Variants in RBM20 observed in about 807,000 individuals in gnomAD.
RBM20 encodes RNA-binding protein 20.
Under a neutral mutation model 110.1 loss-of-function variants are expected in RBM20, and 51 were observed. That is an observed-to-expected ratio of 0.46 (90% CI 0.37 to 0.59). RBM20 has a LOEUF of 0.59. Ranked by LOEUF, RBM20 falls within the 20% of genes least tolerant of loss-of-function variation. The pLI, the probability that RBM20 is intolerant of heterozygous loss-of-function variation, is 0.00. For synonymous variants in RBM20, 589 were observed against 618.2 expected (o/e 0.95, Z 0.70); for missense variants, 1,512 against 1,574.9 (o/e 0.96, Z 0.68).
At chr10:110,825,231 C>T (rs1199815545) in intron 12 of RBM20, among the ~76,000 whole-genome samples, 1 of 152,186 alleles carries the variant, frequency 6.6e-6, no homozygotes, top group African/African-American at 2.4e-5. Flanking sequence ...AGTCAGTCAG[C>T]AAATACTTAC....
At chr10:110,818,606 G>T (rs1354474639) in intron 9 of RBM20, among the ~76,000 whole-genome samples, 1 of 152,246 alleles carries the variant, frequency 6.6e-6, no homozygotes, top group Non-Finnish European at 1.5e-5. Flanking sequence ...GCTCTGAAAG[G>T]TTGTTTCCTT....
intron 1 of RBM20, among the ~76,000 whole-genome samples, chr10:110,714,501 G>A (rs1039935666): frequency 1.3e-5 from 2 of 152,102 alleles, no homozygotes; most frequent in East Asian, 1.9e-4. Context: ...CCAACCCAAG[G>A]TACTCCTAGA....
At chr10:110,711,566 A>G (rs1862929330) in intron 1 of RBM20, among the ~76,000 whole-genome samples, 1 of 152,188 alleles carries the variant, frequency 6.6e-6, no homozygotes, top group African/African-American at 2.4e-5. Context: ...AAGTCAACGG[A>G]TGACTTTAAG....
At chr10:110,696,377 G>C (rs1223369700) in intron 1 of RBM20, among the ~76,000 whole-genome samples, 1 of 152,152 alleles carries the variant, frequency 6.6e-6, no homozygotes, top group African/African-American at 2.4e-5. Flanking sequence ...TCACTTCTTG[G>C]GAAATACAGA....
At chr10:110,672,624 C>T (rs1428567902) in intron 1 of RBM20, among the ~76,000 whole-genome samples, 2 of 152,244 alleles carry the variant, frequency 1.3e-5, no homozygotes, top group Non-Finnish European at 2.9e-5. Flanking sequence ...CTTCCGTCCG[C>T]GGATAGGGGA....
intron 1 of RBM20, among the ~76,000 whole-genome samples, chr10:110,748,590 T>A (rs1843812863): frequency 6.6e-6 from 1 of 152,112 alleles, no homozygotes; most frequent in Non-Finnish European, 1.5e-5. Flanking sequence ...CTCTTTTGAC[T>A]CCTAAAATTA....
intron 1 of RBM20, among the ~76,000 whole-genome samples, chr10:110,740,681 T>C (rs11195298): frequency 0.26 from 39,197 of 152,096 alleles, 5,823 homozygotes; most frequent in Middle Eastern, 0.37. Flanking sequence ...GGACTCCTTT[T>C]TGAGTTAAAG....
At position 110,812,755 on chromosome 10, in the gene RBM20, C is replaced by G. The variant is rs1045844360; in HGVS notation, c.2358C>G (p.Asp786Glu). 14 of 1,551,710 alleles carry G rather than the reference C, an allele frequency of 9.0e-6. No individual in the cohort carries two copies. The highest frequency in any genetic ancestry group is 1.1e-5 in the Non-Finnish European group (13 of 1,146,996). Reference sequence around the variant, plus strand: ...CCCCCGGGAGGTCCAGGAGGAAAGACGAGGCCAGGCTGCGGGAAAGCAGAC... The same window carrying G: ...CCCCCGGGAGGTCCAGGAGGAAAGAGGAGGCCAGGCTGCGGGAAAGCAGAC... ...QDAPGRSRRKDEARLRESRHP... is the reference protein window; with the variant it reads ...QDAPGRSRRKEEARLRESRHP... The change falls in exon 9 of 14, where the codon GAC becomes GAG. Residue 786 changes from aspartate to glutamate, a missense_variant. By Grantham distance (45) the Asp-to-Glu change is conservative. Around this residue, in one of 3 missense-constraint regions of RBM20, gnomAD observed 1,149 missense variants for 1,169.4 expected, o/e 0.98. Coordinates refer to ENST00000369519, the MANE Select transcript of RBM20 (RefSeq NM_001134363.3).
At chr10:110,650,245 T>C (rs1861927077) in intron 1 of RBM20, among the ~76,000 whole-genome samples, 1 of 152,200 alleles carries the variant, frequency 6.6e-6, no homozygotes, top group African/African-American at 2.4e-5. Flanking sequence ...CGGTGGAAGT[T>C]ACAGTCAAGT....
intron 1 of RBM20, among the ~76,000 whole-genome samples, chr10:110,688,994 C>A (rs1156352233): frequency 7.0e-6 from 1 of 142,422 alleles, no homozygotes; most frequent in African/African-American, 2.6e-5. Context: ...GGCTTTTAGG[C>A]ATTTTTTTGT....
intron 5 of RBM20, among the ~76,000 whole-genome samples, chr10:110,793,083 T>C (rs1844504384): frequency 6.6e-6 from 1 of 152,144 alleles, no homozygotes; most frequent in Non-Finnish European, 1.5e-5. Context: ...ATTTTTTACA[T>C]CCGGAAAGGA....
rs141868469 is a variant in RBM20, at chr10:110,802,535, C to A, written c.1800+2617C>A. 1.9e-3 allele frequency among the ~76,000 whole-genome samples: 289 copies of A among 152,256 alleles called. 1 individual carries two copies. The highest frequency in any genetic ancestry group is 3.4e-3 in the Middle Eastern group (1 of 294). On this transcript the variant is annotated intron_variant, in intron 7 of 13. Transcript: ENST00000369519. ...TTTCTACACTAAGTTCCCAGTAGAGCTTTGGTCTCCAAATGAGATGTTGTC... is the reference window on the plus strand; with the variant it reads ...TTTCTACACTAAGTTCCCAGTAGAGATTTGGTCTCCAAATGAGATGTTGTC...
chr10:110,682,930 A>G (rs1157048099), intron 1 of RBM20, among the ~76,000 whole-genome samples: 1 of 152,222 alleles, frequency 6.6e-6, no homozygotes, highest in Non-Finnish European at 1.5e-5. Context: ...ATTATTTGGA[A>G]TTCTTCTGTA....
At chr10:110,780,514 A>G (rs1844323136) in intron 1 of RBM20, among the ~76,000 whole-genome samples, 1 of 152,144 alleles carries the variant, frequency 6.6e-6, no homozygotes, top group South Asian at 2.1e-4. Context: ...GTGCCATTTT[A>G]AAAAATTGCT....
At chr10:110,670,022 CTTTA>C (rs1267221723) in intron 1 of RBM20, among the ~76,000 whole-genome samples, 1 of 152,110 alleles carries the variant, frequency 6.6e-6, no homozygotes, top group East Asian at 1.9e-4. Context: ...CATGACCCAA[CTTTA>C]TTTAGTAAGT....
At chr10:110,784,957 A>G in intron 5 of RBM20, 68 bp downstream of exon 5, 2 of 1,068,336 alleles carry the variant, frequency 1.9e-6, no homozygotes, top group South Asian at 1.5e-5. Flanking sequence ...TTGTTTGTTT[A>G]TTTGAGACAG....
At chr10:110,810,283 T>G in intron 7 of RBM20, 100 bp from the exon 8 acceptor site, 1 of 837,732 alleles carries the variant, frequency 1.2e-6, no homozygotes, top group Non-Finnish European at 2.0e-6. Flanking sequence ...TTTTTTCCCT[T>G]TTGGTGGACC....
chr10:110,813,499 G>C (rs549303996), intron 9 of RBM20, among the ~76,000 whole-genome samples: 1 of 152,054 alleles, frequency 6.6e-6, no homozygotes, highest in African/African-American at 2.4e-5. Context: ...AATTAAACTG[G>C]GTGCCCAGAG....
In RBM20 at chr10:110,737,621, C is replaced by CTTT. The variant is rs61353592; in HGVS notation, c.192-43171_192-43169dup. On this transcript the variant is annotated intron_variant, in intron 1 of 13. Coordinates refer to ENST00000369519, the MANE Select transcript of RBM20 (RefSeq NM_001134363.3). ...CCTCTCTGAAGATAGATTAGTTTGC[C>CTTT]TTTTTTTTTTTGAGTTTAACGTAAT... is the stretch of plus-strand genomic sequence containing the variant. Among the ~76,000 whole-genome samples, 217 of 147,494 alleles carry CTTT rather than the reference C, an allele frequency of 1.5e-3. No homozygotes were observed. In the Middle Eastern group the frequency reaches 0.028, roughly 19 times the overall value.
Sources: gnomAD v4.1 joint callset for allele counts (sites outside exome capture counted in the v4.1 genomes callset) on GRCh38, gnomAD v4.1.1 for gene constraint, gnomAD v4.1.1 regional missense constraint, MANE v1.5 for transcripts, NCBI Gene and HGNC (gene_info 2026-07-23, HGNC 2026-07-21) for gene names.